Variants in MTOR observed in about 807,000 individuals in gnomAD.
The protein encoded by MTOR is serine/threonine-protein kinase mTOR.
Under a neutral mutation model 319.8 loss-of-function variants are expected in MTOR, and 70 were observed. The observed-to-expected ratio is 0.22, with a 90% CI of 0.18 to 0.27. MTOR has a LOEUF of 0.27. MTOR is among the 10% of genes least tolerant of loss of function. The pLI is 1.00. For missense variants in MTOR, 1,890 were observed against 3,274.4 expected (o/e 0.58, Z 10.32); for synonymous variants, 1,183 against 1,211.4 (o/e 0.98, Z 0.49).
chr1:11,138,762 A>C (rs1383701954), intron 36 of MTOR, among the ~76,000 whole-genome samples: 2 of 152,208 alleles, frequency 1.3e-5, no homozygotes, highest in Non-Finnish European at 2.9e-5. Flanking sequence ...TTAAAGAAAA[A>C]AACCCCCAAA....
chr1:11,150,239 A>G lies in MTOR; in HGVS notation c.4470-13T>C. ...GTGGAGTTGACCCCTGAAGAAAATG[A>G]ATTATATAGTCAGATTAATCCAAAT... On this transcript the variant is annotated splice_polypyrimidine_tract_variant and intron_variant, in intron 30 of 57. Coordinates refer to ENST00000361445, the MANE Select transcript of MTOR (RefSeq NM_004958.4). 6.2e-7 allele frequency: 1 copy of G among 1,607,744 alleles called. No individual in the cohort carries two copies.
chr1:11,126,211 A>G (rs766279540), intron 46 of MTOR, among the ~76,000 whole-genome samples: 6 of 151,436 alleles, frequency 4.0e-5, no homozygotes, highest in Non-Finnish European at 7.4e-5. Context: ...TTACACAATC[A>G]TTTACCACAG....
At position 11,128,696 on chromosome 1, in the gene MTOR, TAAAG is replaced by T; in HGVS notation, c.5812-148_5812-145del. 1 of 1,050,870 alleles carries T rather than the reference TAAAG, an allele frequency of 9.5e-7. No homozygotes were observed. The highest frequency in any genetic ancestry group is 1.4e-6 in the Non-Finnish European group (1 of 713,866). The allele number at this position is 1,050,870 out of a possible 1,614,324, so 65.1% of individuals were successfully genotyped here. ...CTTCCCTTTAGTTTCTAAAAGAAAA[TAAAG>T]AAAATATGGACACTTGACACTGGGA... On this transcript the variant is annotated intron_variant, in intron 41 of 57. Coordinates refer to ENST00000361445, the MANE Select transcript of MTOR (RefSeq NM_004958.4). The surrounding 1 kb of genome is among the most constrained non-coding windows in gnomAD (Gnocchi z 5.3).
rs183263248 is a variant in MTOR at position 11,185,758 on chromosome 1, T to A, written c.4253+13500A>T. Reference sequence around the variant, plus strand: ...TTCTGTGATGGACTTGGACTTTCAGTTGAGACAGGAATGGGATGGAGTGCT... The same window carrying A: ...TTCTGTGATGGACTTGGACTTTCAGATGAGACAGGAATGGGATGGAGTGCT... On this transcript the variant is annotated intron_variant, in intron 28 of 57. Transcript: ENST00000361445. Among the ~76,000 whole-genome samples, 530 of 152,134 alleles carry A rather than the reference T, an allele frequency of 3.5e-3. 9 individuals are homozygous for A. The highest frequency in any genetic ancestry group is 1.3e-3 in the Non-Finnish European group (88 of 67,980).
At chr1:11,116,456 A>T (rs1334547381) in intron 50 of MTOR, among the ~76,000 whole-genome samples, 2 of 152,280 alleles carry the variant, frequency 1.3e-5, no homozygotes, top group East Asian at 1.9e-4. Context: ...CTGGGACTAC[A>T]GGTGTATGCC....
In MTOR at chr1:11,238,170, C is replaced by T; in HGVS notation, c.2003-122G>A. 5.0e-6 allele frequency: 5 copies of T among 1,007,726 alleles called. No homozygotes were observed. The South Asian group carries it at 7.9e-5, about 16-fold the overall frequency. The allele number at this position is 1,007,726 out of a possible 1,614,324, so 62.4% of individuals were successfully genotyped here. On this transcript the variant is annotated intron_variant, in intron 12 of 57. Transcript: ENST00000361445. ...ATTCCAGATGCTTTTTCTCATCTAA[C>T]CTCTGTCATTCTTTTCTCTACTCAC...
In MTOR at chr1:11,157,206, T is replaced by A. The variant is rs779868861; in HGVS notation, c.4415A>T (p.Asp1472Val). 1 of 1,614,082 alleles carries A rather than the reference T, an allele frequency of 6.2e-7. No individual in the cohort carries two copies. Among genetic ancestry groups the A allele is most frequent in the Non-Finnish European group, 8.5e-7 (1 of 1,179,986 alleles). The change falls in exon 30 of 58, where the codon GAC becomes GTC. Residue 1472 changes from aspartate to valine, a missense_variant. Asp to Val is a radical substitution (Grantham distance 152). This residue lies in a region of MTOR where 276 missense variants were observed against 459.4 expected (regional missense o/e 0.60). Coordinates refer to ENST00000361445, the MANE Select transcript of MTOR (RefSeq NM_004958.4). ...GCGGCCCAGCATCAGCTCTGGGTCGTCCTTGTTGGTGTCCATTTTCTTGTC... is the reference window on the plus strand; with the variant it reads ...GCGGCCCAGCATCAGCTCTGGGTCGACCTTGTTGGTGTCCATTTTCTTGTC... ...AYDKKMDTNK[D>V]DPELMLGRMR...
Position 11,128,370 on chromosome 1 carries a change from C to A in MTOR, c.5910+84G>T. 2.8e-6 allele frequency: 4 copies of A among 1,409,504 alleles called. No individual in the cohort carries two copies. The highest frequency in any genetic ancestry group is 3.0e-6 in the Non-Finnish European group (3 of 1,002,346). The allele number at this position is 1,409,504 out of a possible 1,614,324, so 87.3% of individuals were successfully genotyped here. A position where few individuals can be genotyped will look rare whatever the true frequency, so the allele number is the denominator to read the frequency against. ...TGGAACACATGGCTCCCAGTTCCTGCGCTTGTGTCGCCAGGGCAGCTTTTG... is the reference window on the plus strand; with the variant it reads ...TGGAACACATGGCTCCCAGTTCCTGAGCTTGTGTCGCCAGGGCAGCTTTTG... On this transcript the variant is annotated intron_variant, in intron 42 of 57. Transcript: ENST00000361445. The surrounding 1 kb of genome is among the most constrained non-coding windows in gnomAD (Gnocchi z 5.3).
At chr1:11,130,870 C>A (rs1243822402) in intron 38 of MTOR, 93 bp from the exon 39 acceptor site, 1 of 1,444,506 alleles carries the variant, frequency 6.9e-7, no homozygotes, top group South Asian at 1.4e-5. Flanking sequence ...AACAGCTGCT[C>A]CTGCCTGTTC....
At chr1:11,124,664 C>T (rs2100383433) in intron 46 of MTOR, 31 bp from the exon 47 acceptor site, 1 of 1,587,684 alleles carries the variant, frequency 6.3e-7, no homozygotes, top group Non-Finnish European at 8.6e-7. Context: ...GGTGAGTGTA[C>T]ATCAGAGGTC....
Position 11,144,989 on chromosome 1 carries a change from CT to C in MTOR, c.4742del (p.Glu1581GlyfsTer50). 6.2e-7 allele frequency: 1 copy of C among 1,614,166 alleles called. No individual in the cohort carries two copies. The highest frequency in any genetic ancestry group is 8.5e-7 in the Non-Finnish European group (1 of 1,180,008). The part of the protein sequence containing the change: ...LDAELTAMAG[E>X]SYSRAYGAMV... ...TTACCCCATATGCCCGACTGTAACT[CT>C]CTCCTGCCATCGCAGTTAATTCAGC... On this transcript the variant is annotated frameshift_variant, in exon 33 of 58. Transcript: ENST00000361445. LOFTEE classifies it high-confidence loss of function.
intron 34 of MTOR, among the ~76,000 whole-genome samples, chr1:11,139,950 A>T (rs890765283): frequency 8.5e-5 from 13 of 152,236 alleles, no homozygotes; most frequent in Non-Finnish European, 7.4e-5. Context: ...TTGGCCTCCC[A>T]AAGTGCTGGG....
Position 11,234,237 on chromosome 1 carries a change from A to G in MTOR, c.2237T>C (p.Ile746Thr), listed in dbSNP as rs1200577347. 6.2e-7 allele frequency: 1 copy of G among 1,613,884 alleles called. No homozygotes were observed. The highest frequency in any genetic ancestry group is 8.5e-7 in the Non-Finnish European group (1 of 1,179,956). ...GGCACTCTGCTCTTTGATTCTTCCA[A>G]TCCCACTGTGCTCCAACTCTGTCAA... ...QILTELEHSG[I>T]GRIKEQSARM... Residue 746 changes from isoleucine (I) to threonine (T), a missense_variant, in exon 14 of 58, where the codon ATT becomes ACT. Physicochemically the swap from Ile to Thr is moderately conservative, Grantham distance 89. Around this residue, in one of 15 missense-constraint regions of MTOR, gnomAD observed 377 missense variants for 653.9 expected, o/e 0.58. Transcript: ENST00000361445.
At chr1:11,239,762 G>A (rs951222835) in intron 11 of MTOR, among the ~76,000 whole-genome samples, 3 of 151,914 alleles carry the variant, frequency 2.0e-5, no homozygotes, top group African/African-American at 4.8e-5. Flanking sequence ...AAAATTAGCC[G>A]GGTGTGGTGA....
chr1:11,160,933 G>A (rs1039692982), intron 29 of MTOR, among the ~76,000 whole-genome samples: 1 of 152,106 alleles, frequency 6.6e-6, no homozygotes, highest in Non-Finnish European at 1.5e-5. Flanking sequence ...GTCGGACAGT[G>A]GGTGCAGGAC....
Position 11,257,183 on chromosome 1 carries a change from G to A in MTOR, c.272-18C>T. The stretch of plus-strand genomic sequence containing the variant: ...GAGGCTAGCTGCAAAAGAGAGGAAG[G>A]CAAAAGGTGATGATGGGGCGTATGC... On this transcript the variant is annotated intron_variant, in intron 3 of 57. Transcript: ENST00000361445. 1 of 1,600,564 alleles carries A rather than the reference G, an allele frequency of 6.2e-7. No homozygotes were observed.
chr1:11,177,430 T>C (rs1406824549), intron 28 of MTOR, among the ~76,000 whole-genome samples: 1 of 152,098 alleles, frequency 6.6e-6, no homozygotes, highest in Non-Finnish European at 1.5e-5. Flanking sequence ...AGGTGATCTG[T>C]GTCTGCAGTC....
rs17235570 is a variant in MTOR at position 11,232,593 on chromosome 1, G to C, written c.2422-65C>G. The C allele has an allele frequency of 3.3e-3, 4,672 of 1,400,832 alleles. 20 individuals are homozygous for C. The highest frequency in any genetic ancestry group is 4.3e-3 in the Non-Finnish European group (4,233 of 994,336). 86.8% of individuals were successfully genotyped at this position (1,400,832 alleles called of 1,614,324 possible). ...TTCTGGCATTAGAAAGTATTTTGGA[G>C]GCCGGGCACGGTGGCTCATGCCTGT... On this transcript the variant is annotated intron_variant, in intron 15 of 57. Coordinates refer to ENST00000361445, the MANE Select transcript of MTOR (RefSeq NM_004958.4).
At chr1:11,179,668 A>C (rs1362460033) in intron 28 of MTOR, among the ~76,000 whole-genome samples, 1 of 152,220 alleles carries the variant, frequency 6.6e-6, no homozygotes, top group Non-Finnish European at 1.5e-5. Flanking sequence ...CCCTGGGGGA[A>C]GTCTTGACAG....
Sources: allele counts gnomAD v4.1 joint callset (sites outside exome capture counted in the v4.1 genomes callset), GRCh38; gene constraint gnomAD v4.1.1; regional missense constraint gnomAD v4.1.1; non-coding constraint Gnocchi (gnomAD v3.1); transcripts MANE v1.5; gene names NCBI Gene and HGNC (gene_info 2026-07-23, HGNC 2026-07-21).